Variants in PCBD2 observed in about 807,000 individuals in gnomAD.
PCBD2 encodes the protein pterin-4 alpha-carbinolamine dehydratase 2.
A neutral mutation model predicts 16.4 loss-of-function variants in PCBD2; 12 were observed. That is an observed-to-expected ratio of 0.73 (90% confidence interval 0.47 to 1.19). The LOEUF (loss-of-function observed/expected upper bound fraction) is 1.19, where lower values mean the gene tolerates loss of function less well. PCBD2 is among the 50% of genes most tolerant of loss of function. The pLI is 0.00. For missense variants in PCBD2, 138 were observed against 156.8 expected (o/e 0.88, Z 0.64); for synonymous variants, 58 against 61.8 (o/e 0.94, Z 0.29).
At chr5:134,945,688 A>G (rs1382553178) in intron 2 of PCBD2, among the ~76,000 whole-genome samples, 2 of 152,330 alleles carry the variant, frequency 1.3e-5, no homozygotes, top group Non-Finnish European at 2.9e-5. Flanking sequence ...ACACAGAACA[A>G]ATTTTCTAGA....
chr5:134,941,978 AAGTT>A (rs753130810), intron 2 of PCBD2, among the ~76,000 whole-genome samples: 180 of 151,170 alleles, frequency 1.2e-3, no homozygotes, highest in Non-Finnish European at 2.0e-3. Context: ...AAAAAAAAAA[AAGTT>A]AGCCGGGCGT....
intron 2 of PCBD2, among the ~76,000 whole-genome samples, chr5:134,920,002 G>T (rs565687560): frequency 7.6e-4 from 116 of 152,304 alleles, no homozygotes; most frequent in Non-Finnish European, 1.1e-3. Flanking sequence ...CATTCCTGTG[G>T]CTGGGTAGCG....
intron 1 of PCBD2, among the ~76,000 whole-genome samples, chr5:134,907,512 A>G (rs1312376593): frequency 6.6e-6 from 1 of 151,990 alleles, no homozygotes; most frequent in Non-Finnish European, 1.5e-5. Flanking sequence ...AAGTGCTGGG[A>G]TTACAGGCAT....
At chr5:134,932,389 T>G (rs1046532483) in intron 2 of PCBD2, among the ~76,000 whole-genome samples, 1 of 152,084 alleles carries the variant, frequency 6.6e-6, no homozygotes, top group Non-Finnish European at 1.5e-5. Flanking sequence ...TCACCCAGGC[T>G]GGAATGCAGT....
chr5:134,941,812 T>G (rs977639524), intron 2 of PCBD2, among the ~76,000 whole-genome samples: 2 of 152,100 alleles, frequency 1.3e-5, no homozygotes, highest in Non-Finnish European at 1.5e-5. Context: ...CTCTTGTAAT[T>G]AAATTTAAAA....
At chr5:134,935,113 G>A (rs1232090963) in intron 2 of PCBD2, among the ~76,000 whole-genome samples, 1 of 152,188 alleles carries the variant, frequency 6.6e-6, no homozygotes, top group Non-Finnish European at 1.5e-5. Context: ...TAGTCCTTTC[G>A]TGTGAATCTT....
intron 2 of PCBD2, among the ~76,000 whole-genome samples, chr5:134,939,797 C>T (rs1028352549): frequency 4.6e-5 from 7 of 152,118 alleles, no homozygotes; most frequent in African/African-American, 7.2e-5. Flanking sequence ...AAGACACTTC[C>T]GAGGTCCCAA....
At chr5:134,952,745 G>T (rs1385872829) in intron 2 of PCBD2, among the ~76,000 whole-genome samples, 1 of 151,764 alleles carries the variant, frequency 6.6e-6, no homozygotes, top group Non-Finnish European at 1.5e-5. Context: ...GTTCAAGGTT[G>T]CAGTAAGCTA....
chr5:134,938,021 T>G (rs1474704979), intron 2 of PCBD2, among the ~76,000 whole-genome samples: 1 of 152,220 alleles, frequency 6.6e-6, no homozygotes, highest in Non-Finnish European at 1.5e-5. Context: ...CTTTGGGAAT[T>G]TGAATGGAAT....
At chr5:134,910,286 T>A in intron 1 of PCBD2, 49 bp from the exon 2 acceptor site, 2 of 1,584,934 alleles carry the variant, frequency 1.3e-6, no homozygotes, top group Non-Finnish European at 1.7e-6. Flanking sequence ...TAAGTTTGAG[T>A]TTGAGTAAAC....
intron 2 of PCBD2, among the ~76,000 whole-genome samples, chr5:134,916,682 T>C (rs1195946186): frequency 2.6e-5 from 4 of 152,216 alleles, no homozygotes; most frequent in African/African-American, 9.6e-5. Flanking sequence ...ATAATCCAAA[T>C]TCATTGGATA....
rs375569699 is a variant in PCBD2 at position 134,942,183 on chromosome 5, C to A, written c.217-16857C>A. On this transcript the variant is annotated intron_variant, in intron 2 of 3. Transcript: ENST00000254908. ...GGAAACTTATTTTTGCTAAAATTTACTTTTAAGTAAAAGAAAAAAAAAATG... is the reference window on the plus strand; with the variant it reads ...GGAAACTTATTTTTGCTAAAATTTAATTTTAAGTAAAAGAAAAAAAAAATG... Among the ~76,000 whole-genome samples the A allele has an allele frequency of 2.7e-4, 39 of 143,360 alleles. No individual in the cohort carries two copies. In the South Asian group the frequency reaches 8.3e-3, roughly 31 times the overall value. The allele number at this position is 143,360 out of a possible 152,430, so 94.0% of individuals were successfully genotyped here.
intron 2 of PCBD2, chr5:134,925,434 G>A: frequency 5.0e-6 from 2 of 398,516 alleles, no homozygotes; most frequent in Non-Finnish European, 8.8e-6. Flanking sequence ...TGGATCCGGA[G>A]CATATAAATA....
chr5:134,909,751 G>A (rs181509283), intron 1 of PCBD2, among the ~76,000 whole-genome samples: 1 of 152,274 alleles, frequency 6.6e-6, no homozygotes, highest in Non-Finnish European at 1.5e-5. Flanking sequence ...GGTGGTAATA[G>A]TCAATCTTTG....
intron 2 of PCBD2, among the ~76,000 whole-genome samples, chr5:134,947,688 C>G (rs1248708207): frequency 6.6e-6 from 1 of 152,062 alleles, no homozygotes; most frequent in Admixed American, 6.6e-5. Flanking sequence ...CGCTCGGCCC[C>G]CTGACCTCAA....
intron 2 of PCBD2, chr5:134,926,261 G>A (rs1267264133): frequency 5.9e-6 from 2 of 336,792 alleles, no homozygotes; most frequent in Admixed American, 4.8e-5. Context: ...GTTGCCCAGT[G>A]TCAGTTTGAG....
intron 2 of PCBD2, chr5:134,923,998 A>G (rs375236229): frequency 2.5e-6 from 1 of 394,740 alleles, no homozygotes; most frequent in Non-Finnish European, 4.5e-6. Flanking sequence ...AGGTCGATAA[A>G]TGAGCGGTTA....
rs1407299856 is a variant in PCBD2 at position 134,962,237 on chromosome 5, A to G, written c.*1556A>G. 1.3e-5 allele frequency among the ~76,000 whole-genome samples: 2 copies of G among 152,060 alleles called. No individual in the cohort carries two copies. Among genetic ancestry groups the G allele is most frequent in the African/African-American group, 2.4e-5 (1 of 41,398 alleles). On this transcript the variant is annotated 3_prime_UTR_variant, in exon 4 of 4. Transcript: ENST00000254908. ...CTCCTGAGTAGCAGCGGTTACAGGC[A>G]TGCATCACCACACCTGGCTTATTTT...
intron 2 of PCBD2, among the ~76,000 whole-genome samples, chr5:134,912,964 G>A (rs528206317): frequency 1.4e-4 from 21 of 152,190 alleles, no homozygotes; most frequent in Middle Eastern, 3.4e-3. Context: ...ATAGGATGGT[G>A]TAAGTAAAAA....
Sources: allele counts gnomAD v4.1 joint callset (sites outside exome capture counted in the v4.1 genomes callset), GRCh38; gene constraint gnomAD v4.1.1; transcripts MANE v1.5; gene names NCBI Gene and HGNC (gene_info 2026-07-23, HGNC 2026-07-21).